Variants in PRR16 observed in about 807,000 individuals in gnomAD.
PRR16 encodes protein Largen.
Under a neutral mutation model 18.2 loss-of-function variants are expected in PRR16, and 6 were observed. The ratio of observed to expected loss-of-function variants is 0.33; its 90% CI spans 0.18 to 0.65. The LOEUF is 0.65. PRR16 is among the 30% of genes least tolerant of loss of function. The pLI, the probability that PRR16 is intolerant of heterozygous loss-of-function variation, is 0.74. For missense variants in PRR16, 412 were observed against 376.6 expected (o/e 1.09, Z -0.78); for synonymous variants, 151 against 147.8 (o/e 1.02, Z -0.16).
At chr5:120,748,760 A>G in the PRR16 span, among the ~76,000 whole-genome samples, 3 of 152,138 alleles carry the variant, frequency 2.0e-5, no homozygotes, top group African/African-American at 7.2e-5. Flanking sequence ...AGAAAAGAGC[A>G]TGCATGAAGA....
the PRR16 span, among the ~76,000 whole-genome samples, chr5:120,730,055 G>A: frequency 1.1e-4 from 16 of 152,068 alleles, no homozygotes; most frequent in African/African-American, 2.9e-4. Flanking sequence ...ACGTCAACCA[G>A]AAATGTTATT....
At chr5:120,509,395 TC>T (rs1750749514) in intron 1 of PRR16, among the ~76,000 whole-genome samples, 2 of 152,200 alleles carry the variant, frequency 1.3e-5, no homozygotes, top group South Asian at 4.1e-4. Context: ...GGATGGCCAA[TC>T]CTTTGGGGCT....
chr5:120,785,786 G>A, the PRR16 span, among the ~76,000 whole-genome samples: 1 of 151,208 alleles, frequency 6.6e-6, no homozygotes, highest in African/African-American at 2.4e-5. Context: ...TGGGCAGGCT[G>A]GTCTCGAACT....
intron 1 of PRR16, among the ~76,000 whole-genome samples, chr5:120,632,171 T>C (rs1755079090): frequency 6.6e-6 from 1 of 152,238 alleles, no homozygotes; most frequent in South Asian, 2.1e-4. Flanking sequence ...GAAGCCCCAT[T>C]CCTAGGGGAA....
chr5:120,664,855 A>G (rs1283543303), intron 1 of PRR16, among the ~76,000 whole-genome samples: 1 of 150,006 alleles, frequency 6.7e-6, no homozygotes, highest in East Asian at 1.9e-4. Flanking sequence ...CCAGTCTATC[A>G]TTGTTGGACA....
intron 1 of PRR16, among the ~76,000 whole-genome samples, chr5:120,638,315 G>A (rs930431273): frequency 1.3e-5 from 2 of 151,996 alleles, no homozygotes; most frequent in Admixed American, 6.6e-5. Context: ...AGGTTATTTC[G>A]CCAAGGTCAT....
the PRR16 span, among the ~76,000 whole-genome samples, chr5:120,759,125 C>T: frequency 1.7e-4 from 26 of 151,808 alleles, no homozygotes; most frequent in East Asian, 1.8e-3. Flanking sequence ...TACAGGCACC[C>T]GCCACCATGC....
chr5:120,709,751 C>T, the PRR16 span, among the ~76,000 whole-genome samples: 5 of 152,090 alleles, frequency 3.3e-5, no homozygotes, highest in African/African-American at 7.2e-5. Flanking sequence ...TCTTTCTATG[C>T]GTGATTTATT....
At chr5:120,647,064 C>T (rs539112497) in intron 1 of PRR16, among the ~76,000 whole-genome samples, 2 of 151,666 alleles carry the variant, frequency 1.3e-5, no homozygotes, top group Non-Finnish European at 2.9e-5. Context: ...ATGACACAAT[C>T]GTAAAAGTCA....
chr5:120,648,899 A>T (rs1453395462), intron 1 of PRR16, among the ~76,000 whole-genome samples: 1 of 152,148 alleles, frequency 6.6e-6, no homozygotes, highest in Non-Finnish European at 1.5e-5. Context: ...GCACACCTTT[A>T]TATGGAATTT....
At chr5:120,584,558 T>C (rs1753377026) in intron 1 of PRR16, among the ~76,000 whole-genome samples, 1 of 152,220 alleles carries the variant, frequency 6.6e-6, no homozygotes, top group Non-Finnish European at 1.5e-5. Context: ...AAATTTATAT[T>C]GATATTCTGT....
At chr5:120,770,950 T>TCTCACA in the PRR16 span, among the ~76,000 whole-genome samples, 405 of 148,962 alleles carry the variant, frequency 2.7e-3, 3 homozygotes, top group Non-Finnish European at 4.5e-3. Context: ...TCTCTCTCTC[T>TCTCACA]CACACACACA....
intron 1 of PRR16, among the ~76,000 whole-genome samples, chr5:120,645,207 T>C (rs1755547794): frequency 6.6e-6 from 1 of 152,116 alleles, no homozygotes; most frequent in Admixed American, 6.6e-5. Flanking sequence ...CTTTCTTCTT[T>C]GTCTATGTCA....
At chr5:120,679,725 T>C (rs181433376) in intron 1 of PRR16, among the ~76,000 whole-genome samples, 6 of 152,076 alleles carry the variant, frequency 3.9e-5, no homozygotes, top group Non-Finnish European at 2.9e-5. Context: ...TGAACGACAT[T>C]ATGCTAAATG....
chr5:120,641,010 G>A (rs1256850114), intron 1 of PRR16, among the ~76,000 whole-genome samples: 2 of 152,054 alleles, frequency 1.3e-5, no homozygotes, highest in African/African-American at 4.8e-5. Context: ...GCGATTGTAA[G>A]GCCTAGGCCT....
At chr5:120,509,647 G>A (rs1006677813) in intron 1 of PRR16, among the ~76,000 whole-genome samples, 1 of 152,032 alleles carries the variant, frequency 6.6e-6, no homozygotes, top group African/African-American at 2.4e-5. Flanking sequence ...TTAGCCTATC[G>A]ACTGCTTTCG....
At chr5:120,696,634 C>T in the PRR16 span, among the ~76,000 whole-genome samples, 1 of 152,118 alleles carries the variant, frequency 6.6e-6, no homozygotes, top group African/African-American at 2.4e-5. Flanking sequence ...CAAAGTGGTT[C>T]TCTAGAGAAG....
At chr5:120,728,368 A>C in the PRR16 span, among the ~76,000 whole-genome samples, 1 of 150,842 alleles carries the variant, frequency 6.6e-6, no homozygotes, top group Non-Finnish European at 1.5e-5. Flanking sequence ...GTTTCATATT[A>C]AACATGAGAC....
chr5:120,665,180 T>C (rs1756325786), intron 1 of PRR16, among the ~76,000 whole-genome samples: 1 of 133,876 alleles, frequency 7.5e-6, no homozygotes, highest in South Asian at 2.6e-4. Context: ...CTCATTGTGG[T>C]TTTGATTTGC....
Sources: gnomAD v4.1 joint callset for allele counts (sites outside exome capture counted in the v4.1 genomes callset) on GRCh38, gnomAD v4.1.1 for gene constraint, MANE v1.5 for transcripts, NCBI Gene and HGNC (gene_info 2026-07-23, HGNC 2026-07-21) for gene names.